TDP1: variants seen among roughly 807,000 people sequenced by gnomAD.
The protein encoded by TDP1 is tyrosyl-DNA phosphodiesterase 1.
Under a neutral mutation model 81.5 loss-of-function variants are expected in TDP1, and 64 were observed. The observed-to-expected ratio is 0.79, with a 90% CI of 0.64 to 0.97. The LOEUF (loss-of-function observed/expected upper bound fraction) is 0.97. Among genes scored for constraint, TDP1 ranks in the 50% least tolerant of loss-of-function variants. TDP1 has a pLI of 0.00. For missense variants in TDP1, 723 were observed against 743.8 expected (o/e 0.97, Z 0.33); for synonymous variants, 256 against 264.3 (o/e 0.97, Z 0.30).
Position 89,988,888 on chromosome 14 carries a change from C to T in TDP1, c.1132-17C>T. On this transcript the variant is annotated splice_polypyrimidine_tract_variant and intron_variant, in intron 10 of 16. Transcript: ENST00000335725. ...ATTATTTGAGTCACTTTAACATTCA[C>T]TTTTATTCTTTCCCAGCTTCTGAAA... The T allele has an allele frequency of 1.2e-6, 2 of 1,613,932 alleles. No individual in the cohort carries two copies. The highest frequency in any genetic ancestry group is 1.7e-6 in the Non-Finnish European group (2 of 1,179,864).
In TDP1 at chr14:89,989,201, T is replaced by TA. The variant is rs1489342446; in HGVS notation, c.1317+111_1317+112insA. 1.1e-5 allele frequency: 16 copies of TA among 1,407,700 alleles called. No individual in the cohort carries two copies. The African/African-American group carries it at 2.1e-4, about 18-fold the overall frequency. The allele number at this position is 1,407,700 out of a possible 1,614,324, so 87.2% of individuals were successfully genotyped here. A position where few individuals can be genotyped will look rare whatever the true frequency, so the allele number is the denominator to read the frequency against. ...GATGTTTTATTCTGTGATTCTTTTT[T>TA]TTTTTTTGGCGTGGCGGGGGCGGGG... On this transcript the variant is annotated intron_variant, in intron 11 of 16. Coordinates refer to ENST00000335725, the MANE Select transcript of TDP1 (RefSeq NM_018319.4).
chr14:89,963,467 C>T lies in TDP1; in HGVS notation c.353C>T (p.Ala118Val), dbSNP rs150113775. The change falls in exon 3 of 17, where the codon GCT (alanine) becomes GTT (valine). Residue 118 changes from alanine to valine, a missense_variant. Transcript: ENST00000335725. ...VVIKKEKDIS[A>V]PNDGTAQRTE... is the part of the protein sequence containing the mutation. ...ATCAAAAAGGAGAAAGACATCTCTG[C>T]TCCCAATGACGGCACTGCCCAAAGA... 68 of 1,610,876 alleles carry T rather than the reference C, an allele frequency of 4.2e-5. No individual in the cohort carries two copies. Among genetic ancestry groups the T allele is most frequent in the Non-Finnish European group, 5.3e-5 (63 of 1,178,208 alleles).
At chr14:89,992,988 G>A (rs781303019) in intron 13 of TDP1, 6 of 963,278 alleles carry the variant, frequency 6.2e-6, no homozygotes, top group Non-Finnish European at 7.4e-6. Flanking sequence ...CATTCAACAA[G>A]CTTTTGCTGA....
At chr14:89,966,267 G>GA (rs1892936934) in intron 4 of TDP1, 77 bp downstream of exon 4, 1 of 975,998 alleles carries the variant, frequency 1.0e-6, no homozygotes, top group Non-Finnish European at 1.7e-6. Context: ...GAAAATATGA[G>GA]AGGCATAGTT....
At chr14:90,006,927 C>CT (rs1203720959) in intron 14 of TDP1, among the ~76,000 whole-genome samples, 1 of 152,168 alleles carries the variant, frequency 6.6e-6, no homozygotes, top group Non-Finnish European at 1.5e-5. Context: ...TCAAAACTCT[C>CT]TATCTGCCTT....
At chr14:89,969,367 T>A (rs1242537597) in intron 5 of TDP1, among the ~76,000 whole-genome samples, 1 of 152,204 alleles carries the variant, frequency 6.6e-6, no homozygotes, top group African/African-American at 2.4e-5. Context: ...ATGGTAAGTT[T>A]AAGTAACATC....
intron 15 of TDP1, among the ~76,000 whole-genome samples, chr14:90,031,392 C>G (rs1460601200): frequency 6.6e-6 from 1 of 151,832 alleles, no homozygotes; most frequent in Non-Finnish European, 1.5e-5. Context: ...CACAGTGGCT[C>G]ACACCTGTAA....
chr14:89,992,831 T>C (rs2140135114), intron 13 of TDP1: 1 of 544,706 alleles, frequency 1.8e-6, no homozygotes, highest in East Asian at 1.5e-4. Context: ...TAGGTTCCCA[T>C]AGAACCATAG....
chr14:89,989,819 C>A, intron 12 of TDP1, 54 bp downstream of exon 12: 4 of 1,386,640 alleles, frequency 2.9e-6, no homozygotes, highest in South Asian at 1.2e-5. Context: ...TCATGAATGT[C>A]CTGGTAAAGT....
chr14:89,970,941 C>T (rs947258499), intron 5 of TDP1: 23 of 204,768 alleles, frequency 1.1e-4, no homozygotes, highest in Non-Finnish European at 1.9e-4. Flanking sequence ...CAGGTTCAAG[C>T]GATTCTCATG....
At chr14:89,962,913 T>G (rs1892501634) in intron 2 of TDP1, 195 bp from the exon 3 acceptor site, 1 of 985,038 alleles carries the variant, frequency 1.0e-6, no homozygotes. Context: ...GACCAGGACT[T>G]TTGCTTGTGA....
intron 15 of TDP1, 178 bp from the exon 16 acceptor site, chr14:90,032,928 T>G: frequency 1.1e-6 from 1 of 893,176 alleles, no homozygotes; most frequent in Non-Finnish European, 1.3e-6. Flanking sequence ...GAAAGGAAAA[T>G]AATTTGGGGC....
intron 6 of TDP1, among the ~76,000 whole-genome samples, chr14:89,972,952 C>T (rs927449520): frequency 1.3e-5 from 2 of 152,052 alleles, no homozygotes; most frequent in Non-Finnish European, 2.9e-5. Flanking sequence ...CTTTTTTCCC[C>T]ATCCACAAAG....
intron 2 of TDP1, among the ~76,000 whole-genome samples, chr14:89,960,998 C>T (rs1448517403): frequency 1.3e-5 from 2 of 152,166 alleles, no homozygotes; most frequent in African/African-American, 4.8e-5. Context: ...CAGGCAGAGA[C>T]CTTTAATGGC....
At chr14:90,001,942 G>A (rs1897226529) in intron 14 of TDP1, among the ~76,000 whole-genome samples, 1 of 152,046 alleles carries the variant, frequency 6.6e-6, no homozygotes, top group South Asian at 2.1e-4. Flanking sequence ...CCTGTGTCAT[G>A]AGCTTCAGGT....
At chr14:90,000,369 G>A (rs1897083182) in intron 14 of TDP1, among the ~76,000 whole-genome samples, 1 of 152,092 alleles carries the variant, frequency 6.6e-6, no homozygotes, top group Non-Finnish European at 1.5e-5. Flanking sequence ...TGCACCAGGG[G>A]CCATCTTTCG....
At chr14:90,028,565 C>T (rs1886912623) in intron 15 of TDP1, among the ~76,000 whole-genome samples, 1 of 152,248 alleles carries the variant, frequency 6.6e-6, no homozygotes, top group African/African-American at 2.4e-5. Flanking sequence ...TTCTAAGTAT[C>T]TGTGCCTGGG....
rs1431046878 is a variant in TDP1, at chr14:89,975,810, C to G, written c.786C>G (p.His262Gln). Residue 262 changes from histidine to glutamine, a missense_variant, in exon 7 of 17, where the codon CAC becomes CAG. His to Gln is a conservative substitution (Grantham distance 24, BLOSUM62 0). Transcript: ENST00000335725. Reference protein sequence around the residue: ...QAKLDIAFGTHHTKMMLLLYE... With the variant: ...QAKLDIAFGTQHTKMMLLLYE... ...AGTTGGATATTGCGTTTGGAACACA[C>G]CACACGTAAGCACTTTTTGTGAAAT... 3 of 1,612,600 alleles carry G rather than the reference C, an allele frequency of 1.9e-6. No homozygotes were observed. In the East Asian group the frequency reaches 6.7e-5, roughly 36 times the overall value.
At chr14:89,977,589 C>T (rs1209474113) in intron 7 of TDP1, among the ~76,000 whole-genome samples, 2 of 152,254 alleles carry the variant, frequency 1.3e-5, no homozygotes, top group African/African-American at 2.4e-5. Context: ...TGAGCCACCG[C>T]ACCTAGCGTA....
Sources: gnomAD v4.1 joint callset for allele counts (sites outside exome capture counted in the v4.1 genomes callset) on GRCh38, gnomAD v4.1.1 for gene constraint, MANE v1.5 for transcripts, NCBI Gene and HGNC (gene_info 2026-07-23, HGNC 2026-07-21) for gene names.